PRKG1: variants seen among roughly 807,000 people sequenced by gnomAD.
PRKG1 encodes the protein protein kinase cGMP-dependent 1, also known as cGMP-dependent protein kinase 1.
Under a neutral mutation model 88.1 loss-of-function variants are expected in PRKG1, and 35 were observed. That is an observed-to-expected ratio of 0.40 (90% CI 0.30 to 0.53). The LOEUF is 0.53. PRKG1 is among the 20% of genes least tolerant of loss of function. PRKG1 has a pLI of 0.59. For missense variants in PRKG1, 540 were observed against 839.8 expected (o/e 0.64, Z 4.41); for synonymous variants, 303 against 292.5 (o/e 1.04, Z -0.37).
intron 9 of PRKG1, among the ~76,000 whole-genome samples, chr10:52,207,271 G>T (rs2132792150): frequency 6.6e-6 from 1 of 152,248 alleles, no homozygotes; most frequent in African/African-American, 2.4e-5. Context: ...GAGGCTGTAT[G>T]CAGGCTAGTC....
At chr10:51,852,784 T>C (rs564000250) in intron 4 of PRKG1, among the ~76,000 whole-genome samples, 1 of 152,322 alleles carries the variant, frequency 6.6e-6, no homozygotes, top group Admixed American at 6.5e-5. Flanking sequence ...CACAAAATTA[T>C]GTATTTCAGA....
At chr10:52,271,304 T>TA in intron 10 of PRKG1, 46 bp from the exon 11 acceptor site, 1 of 1,590,538 alleles carries the variant, frequency 6.3e-7, no homozygotes, top group Non-Finnish European at 8.6e-7. Flanking sequence ...AATGCACTCT[T>TA]ACAAGTCTAT....
intron 5 of PRKG1, among the ~76,000 whole-genome samples, chr10:51,915,695 T>C (rs971083403): frequency 6.6e-6 from 1 of 152,170 alleles, no homozygotes; most frequent in African/African-American, 2.4e-5. Flanking sequence ...AAATATTTGC[T>C]AATTATAGGT....
rs564281899 is a variant in PRKG1, at chr10:52,293,107, T to C, written c.1963-695T>C. Reference sequence around the variant, plus strand: ...TGTACAAAAATCACAAGCATTCTTATACACCAATAACAGACAAACAGAGAG... The same window carrying C: ...TGTACAAAAATCACAAGCATTCTTACACACCAATAACAGACAAACAGAGAG... On this transcript the variant is annotated intron_variant, in intron 17 of 17. Coordinates refer to ENST00000373980, the MANE Select transcript of PRKG1 (RefSeq NM_006258.4). Among the ~76,000 whole-genome samples the C allele has an allele frequency of 4.3e-3, 645 of 149,748 alleles. 2 individuals are homozygous for C. The highest frequency in any genetic ancestry group is 6.0e-3 in the Non-Finnish European group (400 of 66,774).
chr10:52,127,964 A>G (rs1365464902), intron 7 of PRKG1: 1 of 933,618 alleles, frequency 1.1e-6, no homozygotes, highest in Non-Finnish European at 1.3e-6. Flanking sequence ...TTTACCACCA[A>G]CTCTACAATT....
intron 2 of PRKG1, among the ~76,000 whole-genome samples, chr10:51,464,827 C>A (rs1839847571): frequency 6.9e-6 from 1 of 144,064 alleles, no homozygotes; most frequent in Admixed American, 7.1e-5. Context: ...GGAGGCGGAG[C>A]TTGCAGTGAG....
chr10:51,374,732 C>T (rs921749696), intron 2 of PRKG1, among the ~76,000 whole-genome samples: 2 of 152,098 alleles, frequency 1.3e-5, no homozygotes, highest in Admixed American at 6.6e-5. Flanking sequence ...CCCTCCAGAA[C>T]GGTAAGAAAT....
intron 3 of PRKG1, among the ~76,000 whole-genome samples, chr10:51,674,028 A>C (rs1441559618): frequency 6.6e-6 from 1 of 152,196 alleles, no homozygotes; most frequent in Non-Finnish European, 1.5e-5. Context: ...ATTAGAATGC[A>C]GAGGGGCATA....
At chr10:51,406,933 C>G (rs905164194) in intron 2 of PRKG1, among the ~76,000 whole-genome samples, 20 of 152,274 alleles carry the variant, frequency 1.3e-4, no homozygotes, top group Admixed American at 7.8e-4. Context: ...AGGACCAGTC[C>G]GAGTTCCAAA....
intron 4 of PRKG1, among the ~76,000 whole-genome samples, chr10:51,860,615 C>G (rs1444543586): frequency 6.6e-6 from 1 of 152,206 alleles, no homozygotes; most frequent in East Asian, 1.9e-4. Flanking sequence ...GCTCCTACCT[C>G]TACCCATCAC....
intron 3 of PRKG1, among the ~76,000 whole-genome samples, chr10:51,640,155 C>A (rs1839761557): frequency 6.6e-6 from 1 of 152,204 alleles, no homozygotes; most frequent in African/African-American, 2.4e-5. Flanking sequence ...CTTCCAGAGA[C>A]CTGCAATGTA....
chr10:51,714,988 G>A (rs991130320), intron 3 of PRKG1, among the ~76,000 whole-genome samples: 22 of 152,136 alleles, frequency 1.4e-4, no homozygotes, highest in African/African-American at 4.3e-4. Flanking sequence ...CAGTGTTACC[G>A]TATGCCACTA....
At chr10:51,930,231 G>C (rs537856721) in intron 5 of PRKG1, among the ~76,000 whole-genome samples, 56 of 152,246 alleles carry the variant, frequency 3.7e-4, no homozygotes, top group African/African-American at 1.3e-3. Context: ...AGATGGAGTG[G>C]GGGGAGGAAA....
chr10:51,581,526 TC>T (rs980682952), intron 3 of PRKG1, among the ~76,000 whole-genome samples: 1 of 152,078 alleles, frequency 6.6e-6, no homozygotes, highest in African/African-American at 2.4e-5. Context: ...CGCATTCCAT[TC>T]CCCGAGCTAT....
At chr10:51,959,175 C>A (rs1425190335) in intron 5 of PRKG1, among the ~76,000 whole-genome samples, 1 of 152,150 alleles carries the variant, frequency 6.6e-6, no homozygotes, top group African/African-American at 2.4e-5. Flanking sequence ...GAATGACAGG[C>A]TCTTCTCTCA....
intron 1 of PRKG1, among the ~76,000 whole-genome samples, chr10:51,095,613 T>G (rs1844508809): frequency 6.6e-6 from 1 of 152,164 alleles, no homozygotes; most frequent in African/African-American, 2.4e-5. Context: ...GGGAATTCTT[T>G]GATAGCAGCC....
rs572998735 is a variant in PRKG1, at chr10:51,948,852, CA to C, written c.762+41285del. On this transcript the variant is annotated intron_variant, in intron 5 of 17. Transcript: ENST00000373980. Reference sequence around the variant, plus strand: ...AAACTAAACTGTAGGGCAATCTTTTCAAAGTGAATTATAGTTAATTCTTTAA... The same window carrying C: ...AAACTAAACTGTAGGGCAATCTTTTCAAGTGAATTATAGTTAATTCTTTAA... Among the ~76,000 whole-genome samples the C allele has an allele frequency of 8.5e-5, 13 of 152,218 alleles. No individual in the cohort carries two copies. The East Asian group carries it at 2.3e-3, about 27-fold the overall frequency.
intron 4 of PRKG1, among the ~76,000 whole-genome samples, chr10:51,864,750 A>G (rs78519223): frequency 0.089 from 13,493 of 152,206 alleles, 742 homozygotes; most frequent in African/African-American, 0.14. Flanking sequence ...TCTCTGCATC[A>G]TTTATTTAAG....
At chr10:51,664,455 C>T (rs534988935) in intron 3 of PRKG1, among the ~76,000 whole-genome samples, 1 of 152,124 alleles carries the variant, frequency 6.6e-6, no homozygotes, top group Non-Finnish European at 1.5e-5. Context: ...TTATCACTTA[C>T]TACCCACTTG....
Sources: gnomAD v4.1 joint callset for allele counts (sites outside exome capture counted in the v4.1 genomes callset) on GRCh38, gnomAD v4.1.1 for gene constraint, MANE v1.5 for transcripts, NCBI Gene and HGNC (gene_info 2026-07-23, HGNC 2026-07-21) for gene names.